Variants in DPY19L3 observed in about 807,000 individuals in gnomAD.
DPY19L3 encodes the protein protein C-mannosyl-transferase DPY19L3.
DPY19L3 carries 51 observed loss-of-function variants against 92.3 expected under a neutral mutation model. That is an observed-to-expected ratio of 0.55 (90% CI 0.44 to 0.70). The LOEUF is 0.70. DPY19L3 is among the 30% of genes least tolerant of loss of function. The pLI, the probability that DPY19L3 is intolerant of heterozygous loss-of-function variation, is 0.00. For synonymous variants in DPY19L3, 309 were observed against 315.2 expected (o/e 0.98, Z 0.21); for missense variants, 706 against 855.9 (o/e 0.82, Z 2.18).
chr19:32,423,277 C>G (rs189662430), intron 3 of DPY19L3, among the ~76,000 whole-genome samples: 1 of 152,040 alleles, frequency 6.6e-6, no homozygotes, highest in Non-Finnish European at 1.5e-5. Context: ...CTCGCTCTGT[C>G]GCCTAGGCTG....
chr19:32,474,790 A>G (rs1970457478), intron 16 of DPY19L3, among the ~76,000 whole-genome samples: 1 of 152,022 alleles, frequency 6.6e-6, no homozygotes, highest in African/African-American at 2.4e-5. Flanking sequence ...AGGTTTCACC[A>G]TATTGGCCAG....
chr19:32,455,150 C>G (rs1441692023), intron 10 of DPY19L3, 110 bp downstream of exon 10: 2 of 736,426 alleles, frequency 2.7e-6, no homozygotes, highest in Non-Finnish European at 4.1e-6. Flanking sequence ...GTTTTAGAGA[C>G]AGGGTCTTGC....
intron 1 of DPY19L3, among the ~76,000 whole-genome samples, chr19:32,407,002 C>CTTT (rs11428433): frequency 3.0e-5 from 4 of 132,238 alleles, no homozygotes; most frequent in Admixed American, 7.3e-5. Context: ...TGGCTTCCTG[C>CTTT]TTTTTTTTTT....
chr19:32,454,883 G>A, intron 9 of DPY19L3, 56 bp from the exon 10 acceptor site: 3 of 1,158,902 alleles, frequency 2.6e-6, no homozygotes, highest in Admixed American at 5.1e-5. Context: ...CATCTTCAGT[G>A]TTTATGAAGT....
chr19:32,438,466 A>G (rs185910151), intron 6 of DPY19L3, among the ~76,000 whole-genome samples: 2 of 152,306 alleles, frequency 1.3e-5, no homozygotes, highest in East Asian at 1.9e-4. Flanking sequence ...ATATGTAGAT[A>G]TAGATACATT....
rs748299433 is a variant in DPY19L3, at chr19:32,439,122, A to C, written c.607A>C (p.Thr203Pro). The C allele has an allele frequency of 5.6e-6, 9 of 1,612,812 alleles. No individual in the cohort carries two copies. Reference protein sequence around the residue: ...FWYVTNRIDTTRVEFTIPLRE... With the variant: ...FWYVTNRIDTPRVEFTIPLRE... ...TTTTCTTTTGTGCAGAATAGATACC[A>C]CAAGAGTTGAGTTTACCATCCCACT... is the stretch of plus-strand genomic sequence containing the variant. Residue 203 changes from threonine to proline, a missense_variant, in exon 7 of 19, where the codon ACA (threonine) becomes CCA (proline). Thr to Pro is a conservative substitution (Grantham distance 38). Coordinates refer to ENST00000392250, the MANE Select transcript of DPY19L3 (RefSeq NM_001172774.2).
At chr19:32,434,991 A>G (rs1381219697) in intron 4 of DPY19L3, among the ~76,000 whole-genome samples, 1 of 152,212 alleles carries the variant, frequency 6.6e-6, no homozygotes, top group African/African-American at 2.4e-5. Flanking sequence ...ATAATGTAAT[A>G]CCACAGACTG....
rs947011163 is a variant in DPY19L3 at position 32,467,995 on chromosome 19, C to A, written c.1615-736C>A. 7.1e-6 allele frequency: 7 copies of A among 984,786 alleles called. No homozygotes were observed. In the African/African-American group the frequency reaches 1.2e-4, roughly 17 times the overall value. The allele number at this position is 984,786 out of a possible 1,614,324, so 61.0% of individuals were successfully genotyped here. ...GAGAGCCCTACATTTAAATATTATTCTCTTTCATTGTACCAGCAATTATAT... is the reference window on the plus strand; with the variant it reads ...GAGAGCCCTACATTTAAATATTATTATCTTTCATTGTACCAGCAATTATAT... On this transcript the variant is annotated intron_variant, in intron 15 of 18. Transcript: ENST00000392250.
intron 17 of DPY19L3, 132 bp from the exon 18 acceptor site, chr19:32,480,267 C>T (rs1013500328): frequency 7.2e-6 from 7 of 966,198 alleles, no homozygotes; most frequent in African/African-American, 6.6e-5. Flanking sequence ...GCGAGTGCAG[C>T]GTGGCCTGGG....
chr19:32,407,964 C>T (rs1171444698), intron 1 of DPY19L3, among the ~76,000 whole-genome samples: 1 of 152,000 alleles, frequency 6.6e-6, no homozygotes, highest in South Asian at 2.1e-4. Flanking sequence ...TAGCACATGC[C>T]TGTAGTCCAG....
intron 5 of DPY19L3, among the ~76,000 whole-genome samples, 177 bp downstream of exon 5, chr19:32,436,744 A>G (rs1021704935): frequency 1.3e-5 from 2 of 152,106 alleles, no homozygotes; most frequent in Non-Finnish European, 2.9e-5. Flanking sequence ...TTTTATTTAC[A>G]TAGGATATAA....
intron 3 of DPY19L3, among the ~76,000 whole-genome samples, chr19:32,414,515 A>G (rs1481694337): frequency 6.6e-6 from 1 of 151,548 alleles, no homozygotes; most frequent in Admixed American, 6.6e-5. Flanking sequence ...AATTGCTTGA[A>G]CTCAGGAGGC....
chr19:32,450,542 A>G (rs1273011019), intron 8 of DPY19L3, among the ~76,000 whole-genome samples: 1 of 152,226 alleles, frequency 6.6e-6, no homozygotes, highest in Non-Finnish European at 1.5e-5. Flanking sequence ...GTGTTCAGCA[A>G]TAAAAAAGAA....
rs1314831447 is a variant in DPY19L3, at chr19:32,429,938, C to T, written c.238-2778C>T. Among the ~76,000 whole-genome samples, 5 of 152,176 alleles carry T rather than the reference C, an allele frequency of 3.3e-5. No homozygotes were observed. The Middle Eastern group carries it at 0.017, about 518-fold the overall frequency. The stretch of plus-strand genomic sequence containing the variant: ...TTAAGTTCTCAAAAGCAATAGAGCA[C>T]GTTTTCTCAAAGATAAAAAATGAGT... On this transcript the variant is annotated intron_variant, in intron 3 of 18. Coordinates refer to ENST00000392250, the MANE Select transcript of DPY19L3 (RefSeq NM_001172774.2).
At chr19:32,430,364 AGAGT>A (rs1407587847) in intron 3 of DPY19L3, among the ~76,000 whole-genome samples, 1 of 152,066 alleles carries the variant, frequency 6.6e-6, no homozygotes, top group Non-Finnish European at 1.5e-5. Context: ...CCTGGGTGAC[AGAGT>A]GAGACCCTGT....
intron 3 of DPY19L3, among the ~76,000 whole-genome samples, chr19:32,424,333 G>GAAAT (rs1245633329): frequency 7.3e-6 from 1 of 136,236 alleles, no homozygotes; most frequent in Non-Finnish European, 1.6e-5. Flanking sequence ...AAAAAAAAAA[G>GAAAT]AAATAAATAA....
At position 32,453,289 on chromosome 19, in the gene DPY19L3, T is replaced by C; in HGVS notation, c.987+13T>C. 6.3e-7 allele frequency: 1 copy of C among 1,593,344 alleles called. No homozygotes were observed. The highest frequency in any genetic ancestry group is 8.5e-7 in the Non-Finnish European group (1 of 1,174,390). On this transcript the variant is annotated intron_variant, in intron 9 of 18. Transcript: ENST00000392250. ...AAGAAAACTTCAGGTAGGACTTTTT[T>C]TTTGTCCTTTATCAAAGTAAACTTT... is the stretch of plus-strand genomic sequence containing the variant.
At chr19:32,417,809 C>T (rs1178461194) in intron 3 of DPY19L3, among the ~76,000 whole-genome samples, 1 of 152,142 alleles carries the variant, frequency 6.6e-6, no homozygotes, top group Non-Finnish European at 1.5e-5. Context: ...TTATTAGAAG[C>T]ATGAGGAATG....
chr19:32,477,671 C>A lies in DPY19L3; in HGVS notation c.1830+17C>A. ...ACCAGAGCGGTGAGGCTCCCCAGTG[C>A]CTCCCCTCGCTTCTTGTGGGCCAGC... On this transcript the variant is annotated intron_variant, in intron 17 of 18. Transcript: ENST00000392250. The A allele has an allele frequency of 6.2e-7, 1 of 1,613,508 alleles. No homozygotes were observed.
Sources: allele counts gnomAD v4.1 joint callset (sites outside exome capture counted in the v4.1 genomes callset), GRCh38; gene constraint gnomAD v4.1.1; transcripts MANE v1.5; gene names NCBI Gene and HGNC (gene_info 2026-07-23, HGNC 2026-07-21).